The following FERRY3 variants were observed in gnomAD, a reference collection of about 807,000 sequenced individuals.
The protein encoded by FERRY3 is FERRY endosomal RAB5 effector complex subunit 3.
chr12:4,494,938 A>G, the FERRY3 span, among the ~76,000 whole-genome samples: 1 of 152,222 alleles, frequency 6.6e-6, no homozygotes, highest in Non-Finnish European at 1.5e-5. Context: ...GAGTGTTCCA[A>G]TCCATGAGTA....
the FERRY3 span, among the ~76,000 whole-genome samples, chr12:4,490,158 A>G: frequency 6.6e-6 from 1 of 152,310 alleles, no homozygotes; most frequent in East Asian, 1.9e-4. Context: ...ACACTAGTGT[A>G]ATCAGTAATA....
chr12:4,517,410 G>A, the FERRY3 span, among the ~76,000 whole-genome samples: 1 of 151,686 alleles, frequency 6.6e-6, no homozygotes, highest in Non-Finnish European at 1.5e-5. Flanking sequence ...TAATTATATT[G>A]ACATTTCTTT....
chr12:4,509,243 T>G, the FERRY3 span: 1 of 148,542 alleles, frequency 6.7e-6, no homozygotes. Context: ...GCTCGGAGGG[T>G]CCTACGCCCA....
the FERRY3 span, chr12:4,505,283 TTAAAA>T: frequency 1.4e-6 from 2 of 1,454,732 alleles, no homozygotes; most frequent in Non-Finnish European, 1.9e-6. Context: ...AAACAGTAAT[TTAAAA>T]TAAAAAGAAA....
the FERRY3 span, among the ~76,000 whole-genome samples, chr12:4,516,066 C>G: frequency 6.6e-6 from 1 of 151,320 alleles, no homozygotes; most frequent in East Asian, 1.9e-4. Flanking sequence ...TTAAAAGAAC[C>G]AAAAATAATT....
the FERRY3 span, among the ~76,000 whole-genome samples, chr12:4,516,477 A>G: frequency 2.0e-5 from 3 of 152,362 alleles, no homozygotes; most frequent in Admixed American, 2.0e-4. Flanking sequence ...ATGCCCATCA[A>G]TGATAGACTG....
chr12:4,509,915 T>C, the FERRY3 span, among the ~76,000 whole-genome samples: 1 of 139,960 alleles, frequency 7.1e-6, no homozygotes, highest in Non-Finnish European at 1.5e-5. Context: ...TTTGACGAGC[T>C]GAGAGAAGGC....
chr12:4,525,757 T>C, the FERRY3 span, among the ~76,000 whole-genome samples: 1 of 152,224 alleles, frequency 6.6e-6, no homozygotes, highest in Non-Finnish European at 1.5e-5. Flanking sequence ...AAATGGAGAC[T>C]AGCCAATAAC....
chr12:4,512,548 A>C, the FERRY3 span, among the ~76,000 whole-genome samples: 1 of 151,838 alleles, frequency 6.6e-6, no homozygotes, highest in Non-Finnish European at 1.5e-5. Context: ...CACCATGATC[A>C]AGTGGGCTTC....
At chr12:4,529,600 A>C in the FERRY3 span, among the ~76,000 whole-genome samples, 1 of 152,216 alleles carries the variant, frequency 6.6e-6, no homozygotes, top group East Asian at 1.9e-4. Context: ...AACCTTCAAC[A>C]GAAGTAATCT....
the FERRY3 span, among the ~76,000 whole-genome samples, chr12:4,527,655 ACTTAC>A: frequency 6.6e-6 from 1 of 152,184 alleles, no homozygotes; most frequent in Non-Finnish European, 1.5e-5. Context: ...GTGAATTTCA[ACTTAC>A]CTTAAGTCAT....
At chr12:4,490,213 T>C in the FERRY3 span, among the ~76,000 whole-genome samples, 1 of 152,176 alleles carries the variant, frequency 6.6e-6, no homozygotes, top group African/African-American at 2.4e-5. Flanking sequence ...TACAGAATCA[T>C]TATCTGCTAA....
chr12:4,509,413 G>GA, the FERRY3 span: 1 of 152,048 alleles, frequency 6.6e-6, no homozygotes, highest in Non-Finnish European at 1.4e-5. Flanking sequence ...AAGGAGGCCT[G>GA]CCTGCCTCTG....
chr12:4,498,346 A>G, the FERRY3 span, among the ~76,000 whole-genome samples: 3 of 152,218 alleles, frequency 2.0e-5, no homozygotes, highest in Non-Finnish European at 2.9e-5. Flanking sequence ...AGACCCTTTT[A>G]TAGATAGACT....
chr12:4,494,604 C>T, the FERRY3 span, among the ~76,000 whole-genome samples: 7 of 152,216 alleles, frequency 4.6e-5, no homozygotes, highest in African/African-American at 9.6e-5. Context: ...ACTGCATTGC[C>T]TTGGCATCTT....
chr12:4,487,957 TC>T, the FERRY3 span: 1 of 152,122 alleles, frequency 6.6e-6, no homozygotes, highest in Non-Finnish European at 1.5e-5. Context: ...AACTCCAGAC[TC>T]CTCAATTACT....
chr12:4,530,740 C>G, the FERRY3 span, among the ~76,000 whole-genome samples: 1 of 151,984 alleles, frequency 6.6e-6, no homozygotes, highest in Non-Finnish European at 1.5e-5. Context: ...TGAGTAAACG[C>G]TGATAGACAA....
At chr12:4,536,221 T>A in the FERRY3 span, 3 of 1,490,680 alleles carry the variant, frequency 2.0e-6, no homozygotes, top group South Asian at 1.3e-5. Context: ...TCTACAGAAC[T>A]AACAAAAAAG....
At chr12:4,505,444 G>C in the FERRY3 span, 1 of 1,127,928 alleles carries the variant, frequency 8.9e-7, no homozygotes, top group Non-Finnish European at 1.3e-6. Context: ...TACTATGACT[G>C]CTCCCAAAAG....
Sources: allele counts gnomAD v4.1 joint callset (sites outside exome capture counted in the v4.1 genomes callset), GRCh38; gene constraint gnomAD v4.1.1; transcripts MANE v1.5; gene names NCBI Gene and HGNC (gene_info 2026-07-23, HGNC 2026-07-21).